HDAC9: variants seen among roughly 807,000 people sequenced by gnomAD.
HDAC9 encodes the protein histone deacetylase 9, also known as MEF-2 interacting transcription repressor (MITR) protein.
Under a neutral mutation model 139.4 loss-of-function variants are expected in HDAC9, and 41 were observed. The ratio of observed to expected loss-of-function variants is 0.29; its 90% CI spans 0.23 to 0.38. HDAC9 has a LOEUF of 0.38. Among genes scored for constraint, HDAC9 ranks in the 10% least tolerant of loss-of-function variants. The pLI, the probability that HDAC9 is intolerant of heterozygous loss-of-function variation, is 1.00. For synonymous variants in HDAC9, 517 were observed against 476.2 expected, an observed-to-expected ratio of 1.09 and a Z score of -1.12; for missense variants, 1,147 against 1,297.0, an observed-to-expected ratio of 0.88 and a Z score of 1.78.
At chr7:18,271,819 G>A (rs987678897) in intron 2 of HDAC9, among the ~76,000 whole-genome samples, 1 of 152,056 alleles carries the variant, frequency 6.6e-6, no homozygotes, top group South Asian at 2.1e-4. Flanking sequence ...CTTCTGTGAA[G>A]GCAAAAATCA....
intron 1 of HDAC9, among the ~76,000 whole-genome samples, chr7:18,301,926 C>T (rs1235780250): frequency 6.6e-6 from 1 of 152,106 alleles, no homozygotes; most frequent in East Asian, 1.9e-4. Context: ...TTGTATAAAT[C>T]TTCAGATCTA....
chr7:18,259,367 G>GT (rs985113373), intron 2 of HDAC9, among the ~76,000 whole-genome samples: 1 of 151,716 alleles, frequency 6.6e-6, no homozygotes, highest in African/African-American at 2.4e-5. Flanking sequence ...AGACAAGCCT[G>GT]TTTTTTCTTT....
rs144205907 is a variant in HDAC9 at position 18,264,092 on chromosome 7, A to G, written c.25+101743A>G. 2.8e-4 allele frequency among the ~76,000 whole-genome samples: 42 copies of G among 152,340 alleles called. No homozygotes were observed. In the East Asian group the frequency reaches 3.3e-3, roughly 12 times the overall value. On this transcript the variant is annotated intron_variant, in intron 2 of 12. Transcript: ENST00000417496. ...AAATGGAGAAATAGAAAATTTAACAATAATAGTTGGGGACTTCACTACTCC... is the reference window on the plus strand; with the variant it reads ...AAATGGAGAAATAGAAAATTTAACAGTAATAGTTGGGGACTTCACTACTCC...
intron 1 of HDAC9, among the ~76,000 whole-genome samples, chr7:18,159,001 TTTA>T (rs1276977597): frequency 6.6e-6 from 1 of 152,232 alleles, no homozygotes; most frequent in Non-Finnish European, 1.5e-5. Flanking sequence ...CTCTTAGTCT[TTTA>T]TTGTGGATTT....
At chr7:18,487,495 G>C (rs1184415222) in intron 1 of HDAC9, among the ~76,000 whole-genome samples, 3 of 152,006 alleles carry the variant, frequency 2.0e-5, no homozygotes, top group Non-Finnish European at 4.4e-5. Flanking sequence ...CTCTGTTCTT[G>C]GCACTGAAAT....
intron 17 of HDAC9, among the ~76,000 whole-genome samples, chr7:18,798,279 T>C (rs951427147): frequency 1.3e-5 from 2 of 152,158 alleles, no homozygotes; most frequent in Admixed American, 1.3e-4. Flanking sequence ...CAAAAATTCT[T>C]TTCTCCATAA....
chr7:18,871,328 C>G (rs866278992), intron 21 of HDAC9, among the ~76,000 whole-genome samples: 6 of 152,090 alleles, frequency 3.9e-5, no homozygotes, highest in Admixed American at 3.3e-4. Context: ...AGTATTTTCC[C>G]TGATGCAGTG....
At chr7:18,505,133 G>A (rs1014289442) in intron 2 of HDAC9, among the ~76,000 whole-genome samples, 8 of 152,284 alleles carry the variant, frequency 5.3e-5, no homozygotes, top group Admixed American at 2.0e-4. Context: ...TTCTATGAGC[G>A]TGCTCTTTTC....
intron 2 of HDAC9, among the ~76,000 whole-genome samples, chr7:18,228,346 C>T (rs1445332977): frequency 6.7e-6 from 1 of 149,528 alleles, no homozygotes; most frequent in African/African-American, 2.5e-5. Context: ...ACGTATAAAA[C>T]TCAATTTTTC....
intron 1 of HDAC9, among the ~76,000 whole-genome samples, chr7:18,155,464 CA>C (rs1308511855): frequency 2.0e-5 from 3 of 152,086 alleles, no homozygotes; most frequent in Non-Finnish European, 2.9e-5. Context: ...TCCAGCAGAC[CA>C]TTCCTGATTA....
At chr7:18,789,286 G>GTGCGCACACA (rs1554356296) in intron 16 of HDAC9, among the ~76,000 whole-genome samples, 1 of 148,506 alleles carries the variant, frequency 6.7e-6, no homozygotes, top group South Asian at 2.2e-4. Flanking sequence ...ACACATACAC[G>GTGCGCACACA]CACACACACA....
At chr7:18,166,472 T>C (rs531749280) in intron 2 of HDAC9, among the ~76,000 whole-genome samples, 2 of 152,350 alleles carry the variant, frequency 1.3e-5, no homozygotes, top group African/African-American at 2.4e-5. Context: ...TTCATGCCTC[T>C]GTTTTGCTAA....
At position 18,694,526 on chromosome 7, in the gene HDAC9, A is replaced by G. The variant is rs565307088; in HGVS notation, c.1731+28050A>G. Among the ~76,000 whole-genome samples the G allele has an allele frequency of 5.0e-4, 76 of 152,308 alleles. No individual in the cohort carries two copies. The South Asian group carries it at 9.5e-3, about 19-fold the overall frequency. ...GTTTATCTCCAAAGTTCATTAGCCT[A>G]TTAGATAACTGACGCAGGGCACCCC... On this transcript the variant is annotated intron_variant, in intron 12 of 25. Coordinates refer to ENST00000686413, the MANE Select transcript of HDAC9 (RefSeq NM_178425.4).
At position 18,260,869 on chromosome 7, in the gene HDAC9, G is replaced by C. The variant is rs183624035; in HGVS notation, c.25+98520G>C. Among the ~76,000 whole-genome samples the C allele has an allele frequency of 8.5e-5, 13 of 152,296 alleles. No individual in the cohort carries two copies. The East Asian group carries it at 2.5e-3, about 29-fold the overall frequency. Reference sequence around the variant, plus strand: ...TCCTGGAAACTGACTTTGGTGGAATGGTCAAGCTCTTACTTTAGAAGTCAT... The same window carrying C: ...TCCTGGAAACTGACTTTGGTGGAATCGTCAAGCTCTTACTTTAGAAGTCAT... On this transcript the variant is annotated intron_variant, in intron 2 of 12. Coordinates refer to the HDAC9 transcript ENST00000417496.
intron 1 of HDAC9, among the ~76,000 whole-genome samples, chr7:18,488,469 G>A (rs753567087): frequency 6.6e-6 from 1 of 151,978 alleles, no homozygotes; most frequent in Non-Finnish European, 1.5e-5. Flanking sequence ...TTTATACGAA[G>A]TATAAAAATT....
At chr7:18,425,841 CAT>C (rs1790067805) in intron 1 of HDAC9, among the ~76,000 whole-genome samples, 1 of 152,182 alleles carries the variant, frequency 6.6e-6, no homozygotes, top group African/African-American at 2.4e-5. Flanking sequence ...GTGAGATCAT[CAT>C]ATGTCTTAGA....
chr7:18,175,780 C>CT (rs1554321038), intron 2 of HDAC9, among the ~76,000 whole-genome samples: 2 of 118,636 alleles, frequency 1.7e-5, no homozygotes, highest in Non-Finnish European at 3.5e-5. Context: ...CCCCCCCCCC[C>CT]TTTTTTTAGA....
At chr7:18,994,036 G>A (rs1403003614) in intron 25 of HDAC9, among the ~76,000 whole-genome samples, 2 of 152,104 alleles carry the variant, frequency 1.3e-5, no homozygotes, top group African/African-American at 4.8e-5. Context: ...GCAGTGAGTG[G>A]GTTGCAGTGT....
intron 2 of HDAC9, among the ~76,000 whole-genome samples, chr7:18,563,105 T>C (rs150688783): frequency 6.6e-6 from 1 of 152,290 alleles, no homozygotes; most frequent in Non-Finnish European, 1.5e-5. Context: ...AGAAAACTTT[T>C]GTGATGGCTA....
Sources: gnomAD v4.1 joint callset for allele counts (sites outside exome capture counted in the v4.1 genomes callset) on GRCh38, gnomAD v4.1.1 for gene constraint, MANE v1.5 for transcripts, NCBI Gene and HGNC (gene_info 2026-07-23, HGNC 2026-07-21) for gene names.